The following TBC1D1 variants were observed in gnomAD, a reference collection of about 807,000 sequenced individuals.
TBC1D1 encodes TBC1 domain family member 1.
Under a neutral mutation model 125.6 loss-of-function variants are expected in TBC1D1, and 89 were observed. The observed-to-expected ratio is 0.71, with a 90% confidence interval of 0.60 to 0.85. TBC1D1 has a LOEUF of 0.85. TBC1D1 is among the 40% of genes least tolerant of loss of function. The pLI is 0.00. For synonymous variants in TBC1D1, 565 were observed against 564.1 expected (o/e 1.00, Z -0.02); for missense variants, 1,377 against 1,469.2 (o/e 0.94, Z 1.03).
At chr4:38,082,733 C>G (rs1308288234) in intron 12 of TBC1D1, among the ~76,000 whole-genome samples, 1 of 152,214 alleles carries the variant, frequency 6.6e-6, no homozygotes, top group Admixed American at 6.5e-5. Flanking sequence ...GTGCCCTGGG[C>G]TCGCCCACCC....
chr4:38,125,496 G>A (rs1764497511), intron 18 of TBC1D1, among the ~76,000 whole-genome samples: 1 of 152,182 alleles, frequency 6.6e-6, no homozygotes, highest in African/African-American at 2.4e-5. Context: ...TTTGATTTGT[G>A]TGTGTGTATG....
At chr4:38,123,491 A>G (rs1012004729) in intron 17 of TBC1D1, among the ~76,000 whole-genome samples, 2 of 152,212 alleles carry the variant, frequency 1.3e-5, no homozygotes, top group East Asian at 1.9e-4. Context: ...AATATTCTTC[A>G]ATTGGCCTGC....
chr4:38,027,950 A>C (rs2152446266), intron 7 of TBC1D1, 71 bp downstream of exon 7: 1 of 1,190,080 alleles, frequency 8.4e-7, no homozygotes, highest in East Asian at 2.5e-5. Context: ...GCTATGTGTA[A>C]AAAATAGCAA....
intron 13 of TBC1D1, among the ~76,000 whole-genome samples, chr4:38,095,122 G>T (rs1007064947): frequency 5.3e-5 from 8 of 152,042 alleles, no homozygotes; most frequent in African/African-American, 1.9e-4. Context: ...TAAAGATGGT[G>T]GATGGAAAAC....
intron 2 of TBC1D1, among the ~76,000 whole-genome samples, chr4:37,923,109 C>A (rs562846711): frequency 1.3e-5 from 2 of 152,066 alleles, no homozygotes; most frequent in Admixed American, 1.3e-4. Context: ...TTCCCCTAGC[C>A]CCCCACCCCT....
At chr4:38,065,835 A>T (rs1032362606) in intron 12 of TBC1D1, among the ~76,000 whole-genome samples, 3 of 152,024 alleles carry the variant, frequency 2.0e-5, no homozygotes, top group Non-Finnish European at 4.4e-5. Flanking sequence ...TTTTTAGTAG[A>T]GACAGGGTTT....
At chr4:38,019,737 A>G (rs186070641) in intron 4 of TBC1D1, among the ~76,000 whole-genome samples, 1 of 152,318 alleles carries the variant, frequency 6.6e-6, no homozygotes, top group Non-Finnish European at 1.5e-5. Flanking sequence ...ACATTTACAT[A>G]TTAATATTTA....
intron 10 of TBC1D1, among the ~76,000 whole-genome samples, chr4:38,046,139 G>A (rs1749412445): frequency 6.6e-6 from 1 of 152,172 alleles, no homozygotes; most frequent in Non-Finnish European, 1.5e-5. Context: ...GCGGACGCGG[G>A]CGGATCATGA....
intron 2 of TBC1D1, among the ~76,000 whole-genome samples, chr4:37,984,122 A>G (rs1734952459): frequency 1.3e-5 from 2 of 151,926 alleles, no homozygotes; most frequent in African/African-American, 2.4e-5. Context: ...GTGCTGAATC[A>G]TATTAATTGC....
intron 12 of TBC1D1, among the ~76,000 whole-genome samples, chr4:38,064,040 C>G (rs979276651): frequency 6.6e-6 from 1 of 152,204 alleles, no homozygotes; most frequent in Non-Finnish European, 1.5e-5. Context: ...CTTTCTGTCT[C>G]TATAGATTTG....
intron 1 of TBC1D1, among the ~76,000 whole-genome samples, chr4:37,899,174 T>G (rs149702497): frequency 6.6e-6 from 1 of 151,752 alleles, no homozygotes; most frequent in East Asian, 1.9e-4. Context: ...GTGAAGTCAG[T>G]TAGAGGTAGT....
At chr4:37,970,929 C>T (rs542398737) in intron 2 of TBC1D1, among the ~76,000 whole-genome samples, 6 of 145,828 alleles carry the variant, frequency 4.1e-5, no homozygotes, top group African/African-American at 1.3e-4. Context: ...TGCATGTGTC[C>T]CTGCCTCACT....
chr4:38,051,816 C>A, intron 11 of TBC1D1, 83 bp from the exon 12 acceptor site: 1 of 1,363,112 alleles, frequency 7.3e-7, no homozygotes, highest in Non-Finnish European at 1.0e-6. Context: ...AAGCGGTGTG[C>A]TCCTTCCACC....
At chr4:37,975,677 C>T (rs192457617) in intron 2 of TBC1D1, among the ~76,000 whole-genome samples, 3,857 of 152,286 alleles carry the variant, frequency 0.025, 131 homozygotes, top group Admixed American at 0.1. Flanking sequence ...ACAGAAGGCT[C>T]GCACTCTTGT....
At chr4:37,935,637 A>G (rs1438263933) in intron 2 of TBC1D1, among the ~76,000 whole-genome samples, 1 of 152,060 alleles carries the variant, frequency 6.6e-6, no homozygotes, top group Admixed American at 6.6e-5. Flanking sequence ...AATTCACTCC[A>G]CCAGCGTCCA....
chr4:37,998,579 C>T (rs776075492), intron 2 of TBC1D1, among the ~76,000 whole-genome samples: 12 of 152,174 alleles, frequency 7.9e-5, no homozygotes, highest in Non-Finnish European at 1.3e-4. Context: ...TCCTGACCTC[C>T]CCTCTTTGCA....
chr4:38,112,873 C>T (rs1248137282), intron 15 of TBC1D1, among the ~76,000 whole-genome samples: 3 of 152,192 alleles, frequency 2.0e-5, no homozygotes, highest in Non-Finnish European at 4.4e-5. Context: ...CGTTAGATTG[C>T]CACGGTGCCC....
At chr4:37,918,854 T>C (rs1051631129) in intron 2 of TBC1D1, among the ~76,000 whole-genome samples, 1 of 152,228 alleles carries the variant, frequency 6.6e-6, no homozygotes, top group African/African-American at 2.4e-5. Flanking sequence ...ATTATGTGTA[T>C]TCTGTACAAC....
intron 18 of TBC1D1, 95 bp downstream of exon 20, chr4:38,125,226 G>A: frequency 7.8e-7 from 1 of 1,288,648 alleles, no homozygotes; most frequent in Non-Finnish European, 1.1e-6. Flanking sequence ...CTACCACTTT[G>A]TGTTCTGAAC....
Sources: allele counts gnomAD v4.1 joint callset (sites outside exome capture counted in the v4.1 genomes callset), GRCh38; gene constraint gnomAD v4.1.1; transcripts MANE v1.5; gene names NCBI Gene and HGNC (gene_info 2026-07-23, HGNC 2026-07-21).